Variants in RPS6KA2 observed in about 807,000 individuals in gnomAD.
RPS6KA2 encodes ribosomal protein S6 kinase A2, also known as ribosomal protein S6 kinase alpha-2.
In RPS6KA2, 42 loss-of-function variants were observed where a neutral mutation model predicts 91.8. The ratio of observed to expected loss-of-function variants is 0.46; its 90% CI spans 0.36 to 0.59. The LOEUF is 0.59. Among genes scored for constraint, RPS6KA2 ranks in the 20% least tolerant of loss-of-function variants. RPS6KA2 has a pLI of 0.00. For synonymous variants in RPS6KA2, 414 were observed against 393.6 expected (o/e 1.05, Z -0.61); for missense variants, 798 against 978.5 (o/e 0.82, Z 2.46).
At chr6:166,638,057 G>A (rs948360104) in intron 2 of RPS6KA2, among the ~76,000 whole-genome samples, 3 of 152,260 alleles carry the variant, frequency 2.0e-5, no homozygotes, top group Non-Finnish European at 2.9e-5. Flanking sequence ...TCGGTTCACC[G>A]CCTGTGTGAA....
At position 166,490,680 on chromosome 6, in the gene RPS6KA2, A is replaced by G; in HGVS notation, c.809T>C (p.Leu270Pro). 6.2e-7 allele frequency: 1 copy of G among 1,610,398 alleles called. No individual in the cohort carries two copies. The highest frequency in any genetic ancestry group is 8.5e-7 in the Non-Finnish European group (1 of 1,177,834). ...QGKDRKETMA[L>P]ILKAKLGMPQ... ...CTCCCACACTACTCACTTGAGGATG[A>G]GAGCCATGGTCTCCTTCCTGTCCTT... is the stretch of plus-strand genomic sequence containing the variant. Residue 270 changes from leucine (L) to proline (P), a missense_variant, in exon 9 of 21, where the codon CTC (leucine) becomes CCC (proline). Physicochemically the swap from Leu to Pro is moderately conservative, Grantham distance 98 (BLOSUM62 -3). Transcript: ENST00000265678. The surrounding 1 kb of genome is among the most constrained non-coding windows in gnomAD (Gnocchi z 4.2).
rs185279467 is a variant in RPS6KA2 at position 166,739,273 on chromosome 6, A to G, written c.123+118927T>C. On this transcript the variant is annotated intron_variant, in intron 2 of 21. Coordinates refer to the RPS6KA2 transcript ENST00000503859. ...TGCTATTCCATATGTAAATAGTTTT[A>G]AATCTGCACAGTGCTAACGCTGGAA... Among the ~76,000 whole-genome samples, 509 of 152,368 alleles carry G rather than the reference A, an allele frequency of 3.3e-3. 1 individual carries two copies. The highest frequency in any genetic ancestry group is 5.1e-3 in the Non-Finnish European group (344 of 68,042).
intron 2 of RPS6KA2, among the ~76,000 whole-genome samples, chr6:166,634,790 T>A (rs1787183392): frequency 6.6e-6 from 1 of 152,096 alleles, no homozygotes; most frequent in Non-Finnish European, 1.5e-5. Context: ...TTAGTAGAGA[T>A]GGGGTTTTGC....
chr6:166,476,305 A>C (rs911850319), intron 10 of RPS6KA2, among the ~76,000 whole-genome samples: 8 of 152,196 alleles, frequency 5.3e-5, no homozygotes, highest in Non-Finnish European at 7.3e-5. Flanking sequence ...TCTGGCCTCC[A>C]GAGCTGCGGG....
chr6:166,762,291 G>A (rs969183192), intron 2 of RPS6KA2, among the ~76,000 whole-genome samples: 2 of 152,036 alleles, frequency 1.3e-5, no homozygotes, highest in African/African-American at 4.8e-5. Context: ...TCTCTTTACC[G>A]CTCAGCCATG....
chr6:166,853,111 A>G (rs542967992), intron 2 of RPS6KA2, among the ~76,000 whole-genome samples: 6 of 152,332 alleles, frequency 3.9e-5, no homozygotes, highest in African/African-American at 1.4e-4. Flanking sequence ...ATTGTTATCA[A>G]TAAACATAAC....
intron 19 of RPS6KA2, among the ~76,000 whole-genome samples, chr6:166,414,893 C>CGTCT (rs1778445064): frequency 6.6e-6 from 1 of 152,086 alleles, no homozygotes; most frequent in Non-Finnish European, 1.5e-5. Flanking sequence ...GGTGAAACCC[C>CGTCT]GTCTCTTCTA....
At chr6:166,684,493 G>A (rs542193996) in intron 2 of RPS6KA2, among the ~76,000 whole-genome samples, 12 of 152,164 alleles carry the variant, frequency 7.9e-5, no homozygotes, top group South Asian at 4.2e-4. Flanking sequence ...CCACCCTACC[G>A]TCTGCTTGCT....
intron 2 of RPS6KA2, among the ~76,000 whole-genome samples, chr6:166,842,998 C>G (rs1344704554): frequency 6.6e-6 from 1 of 152,188 alleles, no homozygotes; most frequent in African/African-American, 2.4e-5. Flanking sequence ...AAGTTCTCAG[C>G]CCAGGTCACC....
At chr6:166,748,480 G>C (rs1452425819) in intron 2 of RPS6KA2, among the ~76,000 whole-genome samples, 1 of 151,826 alleles carries the variant, frequency 6.6e-6, no homozygotes, top group Non-Finnish European at 1.5e-5. Context: ...TGCGGGGCTG[G>C]AGGATGCTGG....
At position 166,430,506 on chromosome 6, in the gene RPS6KA2, T is replaced by C; in HGVS notation, c.1528A>G (p.Ser510Gly). ...TTGGTGATGGTGCACAGGACGTCACTGGCTTCGCGCTCCGAGAAGTATCTC... is the reference window on the plus strand; with the variant it reads ...TTGGTGATGGTGCACAGGACGTCACCGGCTTCGCGCTCCGAGAAGTATCTC... ...RQRYFSEREA[S>G]DVLCTITKTM... The change falls in exon 16 of 21, where the codon AGT becomes GGT. Residue 510 changes from serine to glycine, a missense_variant. Transcript: ENST00000265678. The C allele has an allele frequency of 1.2e-6, 2 of 1,614,168 alleles. No individual in the cohort carries two copies. The highest frequency in any genetic ancestry group is 8.5e-7 in the Non-Finnish European group (1 of 1,180,016).
chr6:166,773,335 C>G (rs1234975343), intron 2 of RPS6KA2, among the ~76,000 whole-genome samples: 1 of 152,174 alleles, frequency 6.6e-6, no homozygotes, highest in East Asian at 1.9e-4. Flanking sequence ...TCAGAGCCCC[C>G]ACAGGAAATC....
intron 2 of RPS6KA2, among the ~76,000 whole-genome samples, chr6:166,780,455 C>T (rs1162291043): frequency 2.6e-5 from 4 of 152,164 alleles, no homozygotes; most frequent in African/African-American, 4.8e-5. Context: ...GCCAGGCCTG[C>T]GGCACCTGGA....
At chr6:166,845,973 C>A (rs111838562) in intron 2 of RPS6KA2, among the ~76,000 whole-genome samples, 2 of 151,348 alleles carry the variant, frequency 1.3e-5, no homozygotes, top group African/African-American at 2.4e-5. Context: ...CGAGATTAAC[C>A]AAGAAAAAAA....
chr6:166,520,778 A>T (rs1782829113), intron 3 of RPS6KA2, among the ~76,000 whole-genome samples: 1 of 152,174 alleles, frequency 6.6e-6, no homozygotes, highest in Non-Finnish European at 1.5e-5. Flanking sequence ...CTTCTTAGGG[A>T]ATAACTAAGG....
intron 5 of RPS6KA2, among the ~76,000 whole-genome samples, chr6:166,507,466 C>A (rs1269618570): frequency 6.8e-6 from 1 of 147,296 alleles, no homozygotes; most frequent in Non-Finnish European, 1.5e-5. Flanking sequence ...TACACACACC[C>A]TACATAGGCA....
intron 1 of RPS6KA2, among the ~76,000 whole-genome samples, chr6:166,592,686 C>T (rs1216316377): frequency 4.6e-5 from 1 of 21,670 alleles, no homozygotes; most frequent in African/African-American, 2.1e-4. Context: ...CAGAACTGTA[C>T]TACAGCGCTT....
At chr6:166,756,931 C>G (rs1778027139) in intron 2 of RPS6KA2, among the ~76,000 whole-genome samples, 1 of 152,140 alleles carries the variant, frequency 6.6e-6, no homozygotes, top group Admixed American at 6.6e-5. Context: ...TTAATGGGAA[C>G]AGAGCTTCAG....
At chr6:166,427,683 G>A (rs1416897710) in intron 16 of RPS6KA2, among the ~76,000 whole-genome samples, 1 of 152,136 alleles carries the variant, frequency 6.6e-6, no homozygotes, top group Admixed American at 6.5e-5. Flanking sequence ...GCCAAATCAT[G>A]AGTGAACTCC....
Sources: allele counts gnomAD v4.1 joint callset (sites outside exome capture counted in the v4.1 genomes callset), GRCh38; gene constraint gnomAD v4.1.1; non-coding constraint Gnocchi (gnomAD v3.1); transcripts MANE v1.5; gene names NCBI Gene and HGNC (gene_info 2026-07-23, HGNC 2026-07-21).